GATAD1: variants seen among roughly 807,000 people sequenced by gnomAD.
GATAD1 encodes GATA zinc finger domain-containing protein 1.
A neutral mutation model predicts 26.5 loss-of-function variants in GATAD1; 12 were observed. The ratio of observed to expected loss-of-function variants is 0.45; its 90% CI spans 0.29 to 0.73. The LOEUF is 0.73. Among genes scored for constraint, GATAD1 ranks in the 30% least tolerant of loss-of-function variants. The pLI is 0.10. For missense variants in GATAD1, 266 were observed against 342.1 expected (o/e 0.78, Z 1.75); for synonymous variants, 129 against 133.1 (o/e 0.97, Z 0.21).
In GATAD1 at chr7:92,448,617, G is replaced by A. The variant is rs746965408; in HGVS notation, c.250-135G>A. On this transcript the variant is annotated intron_variant, in intron 1 of 4. Coordinates refer to ENST00000287957, the MANE Select transcript of GATAD1 (RefSeq NM_021167.5). ...TTGCTGTAATTACTTCTCTTGAAAA[G>A]CAAAAGGGCAATCTTAATTGTTAAA... 3.3e-5 allele frequency: 24 copies of A among 726,816 alleles called. 1 individual carries two copies. Among genetic ancestry groups the A allele is most frequent in the Non-Finnish European group, 5.2e-5 (22 of 424,870 alleles). 45.0% of individuals were successfully genotyped at this position (726,816 alleles called of 1,614,324 possible). A position where few individuals can be genotyped will look rare whatever the true frequency, so the allele number is the denominator to read the frequency against.
the GATAD1 span, chr7:92,494,023 T>C: frequency 2.6e-6 from 1 of 391,250 alleles, no homozygotes; most frequent in African/African-American, 2.0e-5. Flanking sequence ...GAAGATAATG[T>C]GAAAATATAA....
the GATAD1 span, among the ~76,000 whole-genome samples, chr7:92,490,791 C>T: frequency 6.6e-6 from 1 of 152,120 alleles, no homozygotes; most frequent in Non-Finnish European, 1.5e-5. Context: ...GCTAGTAGAA[C>T]AGTGATACTG....
At chr7:92,455,543 G>A (rs1178558597) in intron 4 of GATAD1, among the ~76,000 whole-genome samples, 2 of 152,150 alleles carry the variant, frequency 1.3e-5, no homozygotes, top group Admixed American at 1.3e-4. Context: ...CAAAACAGTT[G>A]TGAGATAGAC....
Position 92,454,608 on chromosome 7 carries a change from A to G in GATAD1, c.542A>G (p.Lys181Arg). ...TTTATCCAGGACCAGTATTGCGAGA[A>G]GAGTGCAGCACTGACGTGGCTCATT... is the stretch of plus-strand genomic sequence containing the variant. ...RGFIQDQYCE[K>R]SAALTWLIPT... Residue 181 changes from lysine (K) to arginine (R), a missense_variant, in exon 4 of 5, where the codon AAG becomes AGG. Transcript: ENST00000287957. The G allele has an allele frequency of 1.2e-6, 2 of 1,613,470 alleles. No homozygotes were observed. The highest frequency in any genetic ancestry group is 1.7e-6 in the Non-Finnish European group (2 of 1,179,348).
the GATAD1 span, among the ~76,000 whole-genome samples, chr7:92,479,762 G>T: frequency 6.6e-6 from 1 of 152,082 alleles, no homozygotes; most frequent in Non-Finnish European, 1.5e-5. Context: ...GCTGAAGGAA[G>T]ATTTTGTGGT....
At chr7:92,449,461 A>G (rs1160650481) in intron 2 of GATAD1, 3 of 972,936 alleles carry the variant, frequency 3.1e-6, no homozygotes, top group African/African-American at 1.8e-5. Flanking sequence ...TTTTATTGCA[A>G]TTAAATTCTC....
chr7:92,467,458 A>T, the GATAD1 span, among the ~76,000 whole-genome samples: 1 of 152,272 alleles, frequency 6.6e-6, no homozygotes, highest in Non-Finnish European at 1.5e-5. Context: ...TATTAAATTC[A>T]TATTTATCTT....
the GATAD1 span, chr7:92,494,343 G>A: frequency 1.9e-6 from 3 of 1,614,030 alleles, no homozygotes; most frequent in Non-Finnish European, 2.5e-6. Context: ...CCAGGCCTAA[G>A]CAGGGCAGGG....
At chr7:92,481,721 A>C in the GATAD1 span, among the ~76,000 whole-genome samples, 1 of 152,172 alleles carries the variant, frequency 6.6e-6, no homozygotes, top group African/African-American at 2.4e-5. Context: ...TTTAGAATCT[A>C]TGGGGTCAGC....
intron 4 of GATAD1, among the ~76,000 whole-genome samples, chr7:92,455,853 C>G (rs1032929068): frequency 6.6e-6 from 1 of 152,156 alleles, no homozygotes; most frequent in African/African-American, 2.4e-5. Context: ...TCAGAATCAC[C>G]TTCGGGATTC....
At chr7:92,491,102 C>A in the GATAD1 span, 1 of 587,360 alleles carries the variant, frequency 1.7e-6, no homozygotes, top group Admixed American at 2.8e-5. Flanking sequence ...AAAATCTTAA[C>A]AAGGAATGCA....
At chr7:92,466,391 C>A in the GATAD1 span, among the ~76,000 whole-genome samples, 4 of 152,058 alleles carry the variant, frequency 2.6e-5, no homozygotes, top group Non-Finnish European at 5.9e-5. Context: ...AAACTCCTGG[C>A]CTCAAGCAGT....
Position 92,448,868 on chromosome 7 carries a change from A to G in GATAD1, c.366A>G (p.Lys122=). 6.2e-7 allele frequency: 1 copy of G among 1,611,996 alleles called. No homozygotes were observed. Among genetic ancestry groups the G allele is most frequent in the Middle Eastern group, 1.7e-4 (1 of 6,058 alleles). The change falls in exon 2 of 5, where the codon AAA becomes AAG. Residue 122 remains lysine (K), a synonymous_variant. Transcript: ENST00000287957. ...GAAAAGGGAGAAGACATATATTTAA[A>G]TTGAAAAATGTAAGATATTTGTGGA... ...TKGKGRRHIF[K]LKNPIKAPES...
At chr7:92,468,857 G>A in the GATAD1 span, 1,224 of 764,414 alleles carry the variant, frequency 1.6e-3, 18 homozygotes, top group South Asian at 0.014. Context: ...ACATCAGATC[G>A]TGGGCTAGCA....
the GATAD1 span, among the ~76,000 whole-genome samples, chr7:92,487,889 A>C: frequency 6.6e-6 from 1 of 152,226 alleles, no homozygotes; most frequent in African/African-American, 2.4e-5. Context: ...ACTGCAACAC[A>C]CAATGTTAGT....
chr7:92,475,208 T>C, the GATAD1 span: 4 of 152,206 alleles, frequency 2.6e-5, no homozygotes, highest in South Asian at 4.1e-4. Context: ...TGCAGAAGAA[T>C]ATAAGTCGTT....
the GATAD1 span, chr7:92,487,407 G>T: frequency 1.1e-6 from 1 of 952,004 alleles, no homozygotes. Context: ...TACAACATAT[G>T]GAAAAGCCAT....
chr7:92,455,718 T>G (rs1361946945), intron 4 of GATAD1, among the ~76,000 whole-genome samples: 1 of 152,236 alleles, frequency 6.6e-6, no homozygotes, highest in Non-Finnish European at 1.5e-5. Flanking sequence ...AATATACCAC[T>G]GTTATTCTCA....
At chr7:92,476,135 G>C in the GATAD1 span, among the ~76,000 whole-genome samples, 1 of 152,174 alleles carries the variant, frequency 6.6e-6, no homozygotes. Flanking sequence ...TTTAAATCCC[G>C]TTAGGAAATC....
Sources: gnomAD v4.1 joint callset for allele counts (sites outside exome capture counted in the v4.1 genomes callset) on GRCh38, gnomAD v4.1.1 for gene constraint, MANE v1.5 for transcripts, NCBI Gene and HGNC (gene_info 2026-07-23, HGNC 2026-07-21) for gene names.